Variants in CASK observed in about 807,000 individuals in gnomAD.
The protein encoded by CASK is peripheral plasma membrane protein CASK.
CASK carries 4 observed loss-of-function variants against 82.9 expected under a neutral mutation model. That is an observed-to-expected ratio of 0.05 (90% CI 0.02 to 0.11). CASK has a LOEUF of 0.11. Among genes scored for constraint, CASK ranks in the 10% least tolerant of loss-of-function variants. CASK has a pLI of 1.00. For synonymous variants in CASK, 259 were observed against 253.5 expected, an observed-to-expected ratio of 1.02 and a Z score of -0.20; for missense variants, 358 against 720.9, an observed-to-expected ratio of 0.50 and a Z score of 5.76.
chrX:41,546,749 A>T (rs1201740705), intron 21 of CASK, among the ~76,000 whole-genome samples: 1 of 111,035 alleles, frequency 9.0e-6, no homozygotes, highest in Non-Finnish European at 1.9e-5. Flanking sequence ...AAGTGCAGGG[A>T]TTACAGGCAT....
intron 5 of CASK, chrX:41,695,690 C>T: frequency 1.7e-6 from 2 of 1,205,195 alleles, no homozygotes; most frequent in Non-Finnish European, 2.2e-6. Context: ...GGCCTTACTC[C>T]TCCCACAGAA....
intron 1 of CASK, among the ~76,000 whole-genome samples, chrX:41,889,657 A>G (rs2072128377): frequency 2.7e-5 from 3 of 112,349 alleles, no homozygotes; most frequent in Non-Finnish European, 5.6e-5. Context: ...ACTTAAAACC[A>G]GCATAAACAC....
intron 2 of CASK, among the ~76,000 whole-genome samples, chrX:41,815,719 A>G (rs1210619669): frequency 9.0e-6 from 1 of 111,729 alleles, no homozygotes; most frequent in African/African-American, 3.3e-5. Context: ...CCCTAAAGAA[A>G]TAAAGCCCAA....
At chrX:41,722,385 G>C (rs1294841924) in intron 5 of CASK, among the ~76,000 whole-genome samples, 1 of 112,459 alleles carries the variant, frequency 8.9e-6, no homozygotes, top group Non-Finnish European at 1.9e-5. Flanking sequence ...ATCACAAAAA[G>C]GCATTGCAGC....
intron 3 of CASK, among the ~76,000 whole-genome samples, chrX:41,755,742 A>G (rs1156523564): frequency 1.8e-5 from 2 of 112,327 alleles, no homozygotes; most frequent in Non-Finnish European, 3.8e-5. Flanking sequence ...AGTTAAAATT[A>G]GAACTAAGCA....
intron 2 of CASK, among the ~76,000 whole-genome samples, chrX:41,830,959 A>G (rs1351754910): frequency 9.0e-6 from 1 of 111,621 alleles, no homozygotes; most frequent in Non-Finnish European, 1.9e-5. Context: ...TTTGCCAAAA[A>G]GCAGAAACCT....
chrX:41,530,247 C>G (rs775976993), intron 25 of CASK, among the ~76,000 whole-genome samples: 9 of 111,829 alleles, frequency 8.0e-5, no homozygotes, highest in African/African-American at 2.6e-4. Context: ...CCTCCCATAT[C>G]TACTTGGTTT....
At chrX:41,737,814 T>A (rs1426191556) in intron 5 of CASK, among the ~76,000 whole-genome samples, 1 of 112,733 alleles carries the variant, frequency 8.9e-6, no homozygotes, top group Non-Finnish European at 1.9e-5. Flanking sequence ...AATTATCATT[T>A]TTTTCTTGTA....
intron 6 of CASK, among the ~76,000 whole-genome samples, chrX:41,669,361 A>G (rs924377583): frequency 3.6e-5 from 4 of 111,369 alleles, no homozygotes; most frequent in African/African-American, 9.8e-5. Flanking sequence ...GGTAAACATA[A>G]TGCATCTATT....
At chrX:41,521,777 C>A (rs141651454) in intron 26 of CASK, among the ~76,000 whole-genome samples, 1 of 111,799 alleles carries the variant, frequency 8.9e-6, no homozygotes, top group African/African-American at 3.3e-5. Flanking sequence ...ATAGAGATAA[C>A]GAAATACCTC....
chrX:41,787,776 G>A (rs1047511124), intron 2 of CASK, among the ~76,000 whole-genome samples: 6 of 111,256 alleles, frequency 5.4e-5, no homozygotes, highest in African/African-American at 1.6e-4. Flanking sequence ...GAAGTTATAC[G>A]GAATAGGGAA....
At chrX:41,663,229 T>A (rs921195720) in intron 7 of CASK, among the ~76,000 whole-genome samples, 1 of 112,115 alleles carries the variant, frequency 8.9e-6, no homozygotes, top group Non-Finnish European at 1.9e-5. Context: ...GAAAAATAAA[T>A]GCTGACAGAA....
chrX:41,541,994 C>T (rs2064952038), intron 22 of CASK, among the ~76,000 whole-genome samples: 1 of 112,104 alleles, frequency 8.9e-6, no homozygotes, highest in Non-Finnish European at 1.9e-5. Flanking sequence ...GATTCTATTG[C>T]AACAACAGAT....
Position 41,667,560 on chromosome X carries a change from T to C in CASK, c.533-2108A>G, listed in dbSNP as rs906479432. ...CTGAATAGCTACATTTTTAAATACA[T>C]TGTGATTTGAATCTTTATGCGCACA... On this transcript the variant is annotated intron_variant, in intron 6 of 26. Transcript: ENST00000378163. Among the ~76,000 whole-genome samples, 9 of 111,731 alleles carry C rather than the reference T, an allele frequency of 8.1e-5. No individual in the cohort carries two copies. In the Admixed American group the frequency reaches 8.6e-4, roughly 11 times the overall value.
chrX:41,793,466 A>G (rs1602633271), intron 2 of CASK, among the ~76,000 whole-genome samples: 2 of 112,028 alleles, frequency 1.8e-5, no homozygotes, highest in Middle Eastern at 9.2e-3. Context: ...CAGGCTATCA[A>G]GACTGTTACA....
intron 5 of CASK, among the ~76,000 whole-genome samples, chrX:41,703,379 G>T (rs2067834751): frequency 8.9e-6 from 1 of 112,257 alleles, no homozygotes; most frequent in Admixed American, 9.4e-5. Flanking sequence ...ATATCACTCT[G>T]ACGTATATTT....
rs1322303425 is a variant in CASK at position 41,516,760 on chromosome X, T to A, written c.*3660A>T. 1 of 110,676 alleles carries A rather than the reference T, an allele frequency of 9.0e-6. No individual in the cohort carries two copies. The highest frequency in any genetic ancestry group is 1.9e-5 in the Non-Finnish European group (1 of 52,867). The allele number at this position is 110,676 out of a possible 1,213,427, so 9.1% of individuals were successfully genotyped here. ...GTGCCTTCTCTTTTCAAAGAGACAG[T>A]GTGGGAGGCATTTCTATTAAGAATT... On this transcript the variant is annotated 3_prime_UTR_variant, in exon 27 of 27. Coordinates refer to ENST00000378163, the MANE Select transcript of CASK (RefSeq NM_001367721.1).
intron 1 of CASK, among the ~76,000 whole-genome samples, chrX:41,872,107 G>A (rs757649988): frequency 8.9e-6 from 1 of 112,706 alleles, no homozygotes; most frequent in African/African-American, 3.2e-5. Context: ...TCGCTTACGC[G>A]TTGTGTATGA....
At chrX:41,679,425 C>T (rs1054286603) in intron 5 of CASK, among the ~76,000 whole-genome samples, 2 of 112,087 alleles carry the variant, frequency 1.8e-5, no homozygotes, top group Admixed American at 1.9e-4. Flanking sequence ...GAGATTCATT[C>T]ATTTTGTTGT....
Sources: allele counts gnomAD v4.1 joint callset (sites outside exome capture counted in the v4.1 genomes callset), GRCh38; gene constraint gnomAD v4.1.1; transcripts MANE v1.5; gene names NCBI Gene and HGNC (gene_info 2026-07-23, HGNC 2026-07-21).